Variants in EXOC2 observed in about 807,000 individuals in gnomAD.
EXOC2 encodes the protein exocyst complex component 2, also known as SEC5-like 1.
EXOC2 carries 70 observed loss-of-function variants against 131.8 expected under a neutral mutation model. The observed-to-expected ratio is 0.53, with a 90% CI of 0.44 to 0.65. The LOEUF (loss-of-function observed/expected upper bound fraction) is 0.65, where lower values mean the gene tolerates loss of function less well. Among genes scored for constraint, EXOC2 ranks in the 30% least tolerant of loss-of-function variants. The pLI, the probability that EXOC2 is intolerant of heterozygous loss-of-function variation, is 0.00. For synonymous variants in EXOC2, 411 were observed against 398.4 expected, an observed-to-expected ratio of 1.03 and a Z score of -0.38; for missense variants, 923 against 1,108.6, an observed-to-expected ratio of 0.83 and a Z score of 2.38.
intron 11 of EXOC2, among the ~76,000 whole-genome samples, chr6:577,836 C>T (rs1758668578): frequency 6.6e-6 from 1 of 152,210 alleles, no homozygotes; most frequent in African/African-American, 2.4e-5. Flanking sequence ...TCTTCTTCAT[C>T]CATTTAAACC....
At chr6:656,111 C>T (rs142304670) in intron 1 of EXOC2, 11 of 1,588,774 alleles carry the variant, frequency 6.9e-6, no homozygotes, top group South Asian at 1.1e-5. Flanking sequence ...TGAATTTTTA[C>T]AAGGCAGGAA....
intron 22 of EXOC2, among the ~76,000 whole-genome samples, chr6:537,892 G>C (rs1210073593): frequency 1.3e-5 from 2 of 152,230 alleles, no homozygotes; most frequent in Non-Finnish European, 2.9e-5. Flanking sequence ...ATTCTCTGCA[G>C]ATAGCAGCTG....
intron 22 of EXOC2, among the ~76,000 whole-genome samples, chr6:537,693 C>A (rs1382133217): frequency 6.6e-6 from 1 of 152,202 alleles, no homozygotes; most frequent in Non-Finnish European, 1.5e-5. Flanking sequence ...CTGGAGACAA[C>A]CCCATGTCCA....
intron 1 of EXOC2, among the ~76,000 whole-genome samples, chr6:665,660 TAA>T (rs1763611750): frequency 1.3e-5 from 2 of 152,242 alleles, no homozygotes; most frequent in African/African-American, 4.8e-5. Context: ...ACTATTATTC[TAA>T]GAGAAGTAAA....
At chr6:617,960 T>C (rs1761097582) in intron 5 of EXOC2, 125 bp from the exon 6 acceptor site, 3 of 1,111,636 alleles carry the variant, frequency 2.7e-6, no homozygotes, top group African/African-American at 3.2e-5. Context: ...ATTAATATCA[T>C]ACGAAGCCAG....
Position 537,350 on chromosome 6 carries a change from G to A in EXOC2, c.2239-4740C>T, listed in dbSNP as rs373533969. 3.3e-3 allele frequency among the ~76,000 whole-genome samples: 493 copies of A among 149,296 alleles called. 5 individuals are homozygous for A. The highest frequency in any genetic ancestry group is 0.011 in the African/African-American group (443 of 40,234). ...CGACGGAGCGTACACTCGAGTTGAC[G>A]GCCGACGGAGCGCACACTCGAGTTG... On this transcript the variant is annotated intron_variant, in intron 22 of 27. Transcript: ENST00000230449.
chr6:575,438 A>G (rs1235727946), intron 12 of EXOC2, among the ~76,000 whole-genome samples: 1 of 84,068 alleles, frequency 1.2e-5, no homozygotes, highest in Admixed American at 1.6e-4. Flanking sequence ...AGAGCCTGGC[A>G]TCTCCATCCT....
At chr6:563,953 C>T (rs915788265) in intron 16 of EXOC2, 80 bp downstream of exon 16, 1 of 1,525,842 alleles carries the variant, frequency 6.6e-7, no homozygotes, top group African/African-American at 1.4e-5. Context: ...CCCTTGTTTT[C>T]AAGGATTTGG....
intron 6 of EXOC2, among the ~76,000 whole-genome samples, chr6:612,688 G>C (rs939199924): frequency 6.6e-5 from 10 of 152,284 alleles, no homozygotes; most frequent in African/African-American, 2.4e-4. Context: ...AACAGAATGT[G>C]TCAAAAAATC....
intron 24 of EXOC2, among the ~76,000 whole-genome samples, chr6:499,439 AC>A (rs1763916790): frequency 7.4e-6 from 1 of 135,494 alleles, no homozygotes; most frequent in Non-Finnish European, 1.7e-5. Flanking sequence ...AAACACACAC[AC>A]ACACACACAC....
At chr6:585,851 T>G (rs1759177411) in intron 11 of EXOC2, among the ~76,000 whole-genome samples, 1 of 152,240 alleles carries the variant, frequency 6.6e-6, no homozygotes, top group Admixed American at 6.5e-5. Context: ...AAGCTATTCT[T>G]CTTCTTATCC....
At chr6:641,665 C>T (rs1762358989) in intron 1 of EXOC2, among the ~76,000 whole-genome samples, 1 of 152,124 alleles carries the variant, frequency 6.6e-6, no homozygotes, top group Admixed American at 6.5e-5. Context: ...TCAAGGTTAC[C>T]TTGAGTTCCT....
Position 609,961 on chromosome 6 carries a change from T to C in EXOC2, c.742+137A>G, listed in dbSNP as rs961889257. The C allele has an allele frequency of 7.9e-6, 5 of 630,384 alleles. No individual in the cohort carries two copies. The South Asian group carries it at 1.1e-4, about 14-fold the overall frequency. 39.0% of individuals were successfully genotyped at this position (630,384 alleles called of 1,614,324 possible). On this transcript the variant is annotated intron_variant, in intron 7 of 27. Coordinates refer to ENST00000230449, the MANE Select transcript of EXOC2 (RefSeq NM_018303.6). ...TCAATGTTTCTATTCTCCTTTGTGT[T>C]CATTAAATCACTACTATTTAGAAAT...
intron 1 of EXOC2, among the ~76,000 whole-genome samples, chr6:664,944 T>C (rs1368056085): frequency 6.6e-6 from 1 of 152,082 alleles, no homozygotes; most frequent in African/African-American, 2.4e-5. Flanking sequence ...AGCTGGGACC[T>C]AACTAAACTA....
At chr6:518,795 T>G (rs1164949850) in intron 23 of EXOC2, among the ~76,000 whole-genome samples, 1 of 152,196 alleles carries the variant, frequency 6.6e-6, no homozygotes, top group African/African-American at 2.4e-5. Context: ...CTTTAGAAAA[T>G]GTAAAATTCC....
At position 678,994 on chromosome 6, in the gene EXOC2, T is replaced by A. The variant is rs77954432; in HGVS notation, c.-44+14025A>T. The A allele has an allele frequency of 6.4e-3, 968 of 152,106 alleles. 11 individuals are homozygous for A. Among genetic ancestry groups the A allele is most frequent in the African/African-American group, 0.022 (923 of 41,480 alleles). The allele number at this position is 152,106 out of a possible 1,614,324, so 9.4% of individuals were successfully genotyped here. A position where few individuals can be genotyped will look rare whatever the true frequency, so the allele number is the denominator to read the frequency against. On this transcript the variant is annotated intron_variant, in intron 1 of 27. Transcript: ENST00000230449. ...TGATGTAAAAAGTCAAATATACATA[T>A]AATTTTAATTATATGTATATTAAAA...
At chr6:624,765 C>T (rs17756580) in intron 4 of EXOC2, among the ~76,000 whole-genome samples, 5,590 of 152,268 alleles carry the variant, frequency 0.037, 152 homozygotes, top group Non-Finnish European at 0.059. Context: ...CCCTTAATAA[C>T]AGTAACAGGA....
intron 3 of EXOC2, among the ~76,000 whole-genome samples, chr6:631,333 T>A (rs1293114162): frequency 6.6e-6 from 1 of 152,008 alleles, no homozygotes; most frequent in Non-Finnish European, 1.5e-5. Flanking sequence ...AGGTCCGGAG[T>A]TCGAGACCAG....
At chr6:508,568 T>C (rs1028085632) in intron 23 of EXOC2, among the ~76,000 whole-genome samples, 4 of 152,260 alleles carry the variant, frequency 2.6e-5, no homozygotes, top group African/African-American at 9.6e-5. Context: ...GTTTATCTTA[T>C]TTCACTTAGT....
Sources: gnomAD v4.1 joint callset for allele counts (sites outside exome capture counted in the v4.1 genomes callset) on GRCh38, gnomAD v4.1.1 for gene constraint, MANE v1.5 for transcripts, NCBI Gene and HGNC (gene_info 2026-07-23, HGNC 2026-07-21) for gene names.